Variants in FHDC1 observed in about 807,000 individuals in gnomAD.
FHDC1 encodes the protein FH2 domain containing 1.
A neutral mutation model predicts 52.6 loss-of-function variants in FHDC1; 25 were observed. That is an observed-to-expected ratio of 0.48 (90% confidence interval 0.35 to 0.66). The LOEUF is 0.66. Among genes scored for constraint, FHDC1 ranks in the 30% least tolerant of loss-of-function variants. FHDC1 has a pLI of 0.01. For synonymous variants in FHDC1, 616 were observed against 581.5 expected (o/e 1.06, Z -0.85); for missense variants, 1,459 against 1,452.8 (o/e 1.00, Z -0.07).
At chr4:152,935,748 G>C (rs1233203935), upstream of FHDC1, among the ~76,000 whole-genome samples, 1 of 152,172 alleles carries the variant, frequency 6.6e-6, no homozygotes, top group Non-Finnish European at 1.5e-5. Context: ...AGGTCAGTTC[G>C]CCCAAGTGCT....
chr4:152,942,770 A>G (rs1739609268), intron 1 of FHDC1, among the ~76,000 whole-genome samples, 158 bp from the exon 2 acceptor site: 4 of 152,236 alleles, frequency 2.6e-5, no homozygotes, highest in Admixed American at 2.0e-4. Flanking sequence ...TCACATTTAG[A>G]AAAGCGTTGG....
Position 152,976,977 on chromosome 4 carries a change from C to A in FHDC1, c.*254C>A. 1 of 298,292 alleles carries A rather than the reference C, an allele frequency of 3.4e-6. No homozygotes were observed. The highest frequency in any genetic ancestry group is 5.9e-6 in the Non-Finnish European group (1 of 170,558). 18.5% of individuals were successfully genotyped at this position (298,292 alleles called of 1,614,324 possible). A position where few individuals can be genotyped will look rare whatever the true frequency, so the allele number is the denominator to read the frequency against. On this transcript the variant is annotated 3_prime_UTR_variant, in exon 12 of 12. Coordinates refer to ENST00000511601, the MANE Select transcript of FHDC1 (RefSeq NM_001371116.1). ...ACGGCCGCACCTCCCCCATGCACCC[C>A]ACCCTCCCCCAAAGCCCGGATCCCG...
At position 152,965,639 on chromosome 4, in the gene FHDC1, A is replaced by G. The variant is rs139617407; in HGVS notation, c.1100+664A>G. Among the ~76,000 whole-genome samples the G allele has an allele frequency of 1.4e-3, 206 of 152,340 alleles. 1 individual carries two copies. Among genetic ancestry groups the G allele is most frequent in the African/African-American group, 4.6e-3 (191 of 41,568 alleles). The stretch of plus-strand genomic sequence containing the variant: ...ACACATCCCACGGTAAATGTTCAAT[A>G]ACCAGCTGTTGGAGAAAAAAGTCCT... On this transcript the variant is annotated intron_variant, in intron 9 of 11. Coordinates refer to ENST00000511601, the MANE Select transcript of FHDC1 (RefSeq NM_001371116.1).
intron 4 of FHDC1, among the ~76,000 whole-genome samples, chr4:152,956,926 C>T (rs1000641803): frequency 2.0e-5 from 3 of 152,088 alleles, no homozygotes; most frequent in Non-Finnish European, 4.4e-5. Context: ...TTCCTAAACC[C>T]TCCCGGGTAT....
chr4:152,918,893 T>C, the FHDC1 span, among the ~76,000 whole-genome samples: 8 of 152,264 alleles, frequency 5.3e-5, no homozygotes, highest in Admixed American at 3.3e-4. Context: ...ATTTGCTGAA[T>C]GGCTGACTGG....
intron 2 of FHDC1, among the ~76,000 whole-genome samples, chr4:152,949,107 A>G (rs1470147535): frequency 5.2e-5 from 4 of 77,448 alleles, no homozygotes; most frequent in African/African-American, 2.0e-4. Flanking sequence ...TAATAATAAT[A>G]ATAATAATAA....
chr4:152,956,744 A>G (rs1025241035), intron 4 of FHDC1, among the ~76,000 whole-genome samples: 2 of 151,846 alleles, frequency 1.3e-5, no homozygotes, highest in Admixed American at 6.6e-5. Flanking sequence ...TCTCCCCACA[A>G]CCTCCTGCTG....
chr4:152,953,346 A>G (rs1739983690), intron 2 of FHDC1, among the ~76,000 whole-genome samples, 153 bp from the exon 3 acceptor site: 1 of 152,218 alleles, frequency 6.6e-6, no homozygotes, highest in African/African-American at 2.4e-5. Flanking sequence ...TTGTAAAACT[A>G]TGTTAGGAAT....
intron 2 of FHDC1, among the ~76,000 whole-genome samples, chr4:152,945,467 AT>A (rs1739702010): frequency 1.3e-5 from 2 of 152,040 alleles, no homozygotes; most frequent in African/African-American, 4.8e-5. Flanking sequence ...AAAAGTATTT[AT>A]TTTTTTGAGA....
At chr4:152,966,088 AAG>A (rs1180168743) in intron 9 of FHDC1, among the ~76,000 whole-genome samples, 1 of 152,254 alleles carries the variant, frequency 6.6e-6, no homozygotes, top group Non-Finnish European at 1.5e-5. Context: ...GACTTACTGA[AAG>A]AAATTTGTGT....
chr4:152,977,949 G>A lies in FHDC1; in HGVS notation c.*1226G>A, dbSNP rs529633068. On this transcript the variant is annotated 3_prime_UTR_variant, in exon 12 of 12. Coordinates refer to ENST00000511601, the MANE Select transcript of FHDC1 (RefSeq NM_001371116.1). ...ATGACTCTGGGTGTGAGTCTGTCTA[G>A]GAACAGGAGGGAAAGTTGGACTCAG... 13 of 152,346 alleles carry A rather than the reference G, an allele frequency of 8.5e-5. No homozygotes were observed. The highest frequency in any genetic ancestry group is 2.9e-4 in the African/African-American group (12 of 41,568). The allele number at this position is 152,346 out of a possible 1,614,324, so 9.4% of individuals were successfully genotyped here. A position where few individuals can be genotyped will look rare whatever the true frequency, so the allele number is the denominator to read the frequency against.
chr4:152,960,861 T>G lies in FHDC1; in HGVS notation c.850+17T>G, dbSNP rs780794533. ...CTATAAAAGGTGAGTCAACATATGA[T>G]CCTTCGCAGAATTTGTTTTTATTAA... On this transcript the variant is annotated intron_variant, in intron 6 of 11. Coordinates refer to ENST00000511601, the MANE Select transcript of FHDC1 (RefSeq NM_001371116.1). 4 of 1,523,686 alleles carry G rather than the reference T, an allele frequency of 2.6e-6. No homozygotes were observed. The African/African-American group carries it at 5.6e-5, about 21-fold the overall frequency. 94.4% of individuals were successfully genotyped at this position (1,523,686 alleles called of 1,614,324 possible). A position where few individuals can be genotyped will look rare whatever the true frequency, so the allele number is the denominator to read the frequency against.
Position 152,943,538 on chromosome 4 carries a change from A to C in FHDC1, c.481A>C (p.Arg161=). ...RRGRTLNSSF[R]EAREEITILD... ...AGGAAGAACTTTAAATTCATCCTTC[A>C]GAGAAGCTCGAGAAGAGGTAAGAAT... The change falls in exon 2 of 12, where the codon AGA becomes CGA. Residue 161 remains arginine (R), a synonymous_variant. Coordinates refer to ENST00000511601, the MANE Select transcript of FHDC1 (RefSeq NM_001371116.1). The C allele has an allele frequency of 6.2e-7, 1 of 1,612,692 alleles. No homozygotes were observed. The highest frequency in any genetic ancestry group is 8.5e-7 in the Non-Finnish European group (1 of 1,179,282).
intron 4 of FHDC1, among the ~76,000 whole-genome samples, chr4:152,958,446 A>G (rs1293859073): frequency 6.6e-6 from 1 of 152,208 alleles, no homozygotes; most frequent in Admixed American, 6.5e-5. Flanking sequence ...AACTGTATAC[A>G]TGGCATTTAA....
intron 2 of FHDC1, among the ~76,000 whole-genome samples, chr4:152,951,482 A>T (rs966118471): frequency 1.3e-5 from 2 of 152,094 alleles, no homozygotes; most frequent in Admixed American, 6.5e-5. Flanking sequence ...TTGTGTTAAC[A>T]TGAAATAAAC....
In FHDC1 at chr4:152,976,448, C is replaced by A; in HGVS notation, c.3157C>A (p.Pro1053Thr). The change falls in exon 12 of 12, where the codon CCC becomes ACC. Residue 1053 changes from proline (P) to threonine (T), a missense_variant. Transcript: ENST00000511601. ...SSRSMRTDLP[P>T]VAKAPGITRT... ...TCGAAGCATGAGAACAGATCTTCCT[C>A]CCGTGGCCAAAGCCCCCGGCATCAC... 1 of 1,613,730 alleles carries A rather than the reference C, an allele frequency of 6.2e-7. No homozygotes were observed. Among genetic ancestry groups the A allele is most frequent in the Non-Finnish European group, 8.5e-7 (1 of 1,180,044 alleles).
chr4:152,974,050 C>A (rs1740758450), intron 11 of FHDC1, among the ~76,000 whole-genome samples: 1 of 152,176 alleles, frequency 6.6e-6, no homozygotes, highest in Non-Finnish European at 1.5e-5. Context: ...GTTGCTTTAC[C>A]AAGGAGCAGT....
In FHDC1 at chr4:152,963,030, A is replaced by AT. The variant is rs777900441; in HGVS notation, c.930dup (p.Ala311CysfsTer8). ...TTGATTTGTCTTCTTTAGGGAGGGT[A>AT]TGCCGGCAATGCAGTAGGATTTAAA... On this transcript the variant is annotated frameshift_variant, in exon 8 of 12. Transcript: ENST00000511601. LOFTEE classifies it high-confidence loss of function. The AT allele has an allele frequency of 1.9e-6, 3 of 1,608,314 alleles. No homozygotes were observed. The highest frequency in any genetic ancestry group is 2.5e-6 in the Non-Finnish European group (3 of 1,177,956).
chr4:152,912,781 AAAT>A, the FHDC1 span, among the ~76,000 whole-genome samples: 1 of 152,216 alleles, frequency 6.6e-6, no homozygotes, highest in African/African-American at 2.4e-5. Context: ...ATTCTAGAAA[AAAT>A]AATGCACTGA....
Sources: gnomAD v4.1 joint callset for allele counts (sites outside exome capture counted in the v4.1 genomes callset) on GRCh38, gnomAD v4.1.1 for gene constraint, MANE v1.5 for transcripts, NCBI Gene and HGNC (gene_info 2026-07-23, HGNC 2026-07-21) for gene names.